The following CEP162 variants were observed in gnomAD, a reference collection of about 807,000 sequenced individuals.
The protein encoded by CEP162 is centrosomal protein of 162 kDa.
A neutral mutation model predicts 169.2 loss-of-function variants in CEP162; 141 were observed. The observed-to-expected ratio is 0.83, with a 90% CI of 0.73 to 0.96. The LOEUF is 0.96. Among genes scored for constraint, CEP162 ranks in the 40% least tolerant of loss-of-function variants. CEP162 has a pLI of 0.00. For synonymous variants in CEP162, 540 were observed against 526.4 expected (o/e 1.03, Z -0.35); for missense variants, 1,600 against 1,587.2 (o/e 1.01, Z -0.14).
chr6:84,203,923 G>C, intron 7 of CEP162, 58 bp downstream of exon 7: 1 of 982,636 alleles, frequency 1.0e-6, no homozygotes, highest in Non-Finnish European at 1.5e-6. Flanking sequence ...TATAGCAATA[G>C]GCAGCCAGGT....
intron 9 of CEP162, among the ~76,000 whole-genome samples, chr6:84,198,025 G>A (rs2099542884): frequency 6.6e-6 from 1 of 152,058 alleles, no homozygotes; most frequent in African/African-American, 2.4e-5. Context: ...GAAACCTTAA[G>A]TTTTATATTT....
At chr6:84,165,572 T>C (rs1349185826) in intron 18 of CEP162, among the ~76,000 whole-genome samples, 3 of 152,270 alleles carry the variant, frequency 2.0e-5, no homozygotes, top group African/African-American at 4.8e-5. Flanking sequence ...CTTCTCTTTA[T>C]TAGGCTGAAG....
intron 2 of CEP162, among the ~76,000 whole-genome samples, chr6:84,224,592 T>C (rs2099554980): frequency 6.6e-6 from 1 of 152,106 alleles, no homozygotes; most frequent in Admixed American, 6.5e-5. Context: ...TCCTAAAAAA[T>C]AAAGATATAT....
intron 3 of CEP162, 47 bp from the exon 4 acceptor site, chr6:84,215,969 G>C (rs1308441555): frequency 2.0e-6 from 3 of 1,472,336 alleles, no homozygotes; most frequent in East Asian, 2.5e-5. Flanking sequence ...TCAAAGAATT[G>C]TTTTGGCCAC....
intron 3 of CEP162, among the ~76,000 whole-genome samples, chr6:84,217,557 A>C (rs899297274): frequency 1.3e-5 from 2 of 152,190 alleles, no homozygotes; most frequent in African/African-American, 4.8e-5. Context: ...AGAGAAAGGT[A>C]GTCTAAGTTG....
chr6:84,197,562 C>T (rs1290928051), intron 9 of CEP162, among the ~76,000 whole-genome samples: 1 of 151,986 alleles, frequency 6.6e-6, no homozygotes, highest in East Asian at 1.9e-4. Flanking sequence ...CCTGTAATCC[C>T]AGCACTTTGG....
Position 84,152,915 on chromosome 6 carries a change from A to C in CEP162, c.3259T>G (p.Leu1087Val). 1 of 1,613,714 alleles carries C rather than the reference A, an allele frequency of 6.2e-7. No homozygotes were observed. Among genetic ancestry groups the C allele is most frequent in the Non-Finnish European group, 8.5e-7 (1 of 1,179,798 alleles). The change falls in exon 23 of 27, where the codon TTA (leucine) becomes GTA (valine). Residue 1087 changes from leucine (L) to valine (V), a missense_variant. Coordinates refer to ENST00000403245, the MANE Select transcript of CEP162 (RefSeq NM_014895.4). Reference sequence around the variant, plus strand: ...GCCAGTTCTTCATTGAGTCTTACTAATTTAGCTTTAGCATGAGCCTGTTCC... The same window carrying C: ...GCCAGTTCTTCATTGAGTCTTACTACTTTAGCTTTAGCATGAGCCTGTTCC... ...QVEQAHAKAKLVRLNEELAAK... is the reference protein window; with the variant it reads ...QVEQAHAKAKVVRLNEELAAK...
chr6:84,182,444 AAAC>A (rs1161346022), intron 13 of CEP162, among the ~76,000 whole-genome samples: 1 of 152,154 alleles, frequency 6.6e-6, no homozygotes. Context: ...CTAAAAAGGA[AAAC>A]AACAACATGG....
At chr6:84,139,892 A>T (rs2129192206) in intron 25 of CEP162, among the ~76,000 whole-genome samples, 1 of 129,862 alleles carries the variant, frequency 7.7e-6, no homozygotes, top group East Asian at 1.9e-4. Context: ...CAGAACACAG[A>T]CATAGGTCAT....
chr6:84,220,878 T>C (rs1588898177), intron 3 of CEP162, among the ~76,000 whole-genome samples, 179 bp downstream of exon 3: 1 of 152,278 alleles, frequency 6.6e-6, no homozygotes, highest in East Asian at 1.9e-4. Flanking sequence ...ACGCAGATTC[T>C]CAATTACATA....
At chr6:84,168,804 A>C (rs906642825) in intron 18 of CEP162, among the ~76,000 whole-genome samples, 2 of 152,234 alleles carry the variant, frequency 1.3e-5, no homozygotes, top group Non-Finnish European at 2.9e-5. Context: ...AACATAAAAA[A>C]GTTATGGAAC....
intron 11 of CEP162, among the ~76,000 whole-genome samples, chr6:84,188,333 C>A (rs1432929584): frequency 6.6e-6 from 1 of 152,076 alleles, no homozygotes; most frequent in East Asian, 1.9e-4. Context: ...TATTTCACAC[C>A]CAGGTAATAA....
intron 2 of CEP162, among the ~76,000 whole-genome samples, chr6:84,222,391 C>A (rs2099554049): frequency 6.6e-6 from 1 of 152,198 alleles, no homozygotes; most frequent in South Asian, 2.1e-4. Context: ...ATTTTAATAG[C>A]TTTGGCTTTT....
intron 3 of CEP162, among the ~76,000 whole-genome samples, chr6:84,220,695 A>G (rs62449316): frequency 1.3e-5 from 2 of 152,150 alleles, no homozygotes; most frequent in Non-Finnish European, 2.9e-5. Context: ...ACCAAGGTCT[A>G]TAGGTTTGTT....
chr6:84,137,751 T>C (rs1171698655), intron 25 of CEP162, among the ~76,000 whole-genome samples: 2 of 151,986 alleles, frequency 1.3e-5, no homozygotes, highest in African/African-American at 4.8e-5. Flanking sequence ...GAACAATAGA[T>C]TGAAAAATCT....
intron 25 of CEP162, among the ~76,000 whole-genome samples, chr6:84,134,070 C>A (rs1000200567): frequency 2.0e-5 from 3 of 152,204 alleles, no homozygotes; most frequent in Admixed American, 2.0e-4. Context: ...GAGGAGGAAT[C>A]TAGAGAGGCA....
At chr6:84,165,664 C>T (rs182829240) in intron 18 of CEP162, among the ~76,000 whole-genome samples, 63 of 152,204 alleles carry the variant, frequency 4.1e-4, no homozygotes, top group Admixed American at 1.8e-3. Flanking sequence ...GATAAATGTA[C>T]GCTAAACTGA....
At chr6:84,214,061 A>C (rs901709795) in intron 5 of CEP162, among the ~76,000 whole-genome samples, 21 of 152,230 alleles carry the variant, frequency 1.4e-4, no homozygotes, top group Middle Eastern at 3.4e-3. Flanking sequence ...GGTGGATCAC[A>C]AGGTCAGGAG....
rs544546597 is a variant in CEP162, at chr6:84,125,128, C to T, written c.4154G>A (p.Arg1385Gln). 32 of 1,613,434 alleles carry T rather than the reference C, an allele frequency of 2.0e-5. No individual in the cohort carries two copies. The highest frequency in any genetic ancestry group is 2.2e-5 in the Non-Finnish European group (26 of 1,179,636). ...AGCAACTGGCACAACCACTCCTTGC[C>T]GGTGCAGCTCTCGGAGAACATCTAA... The part of the protein sequence containing the change: ...SILDVLRELH[R>Q]QGVVVPVAFA... Residue 1385 changes from arginine (R) to glutamine (Q), a missense_variant, in exon 27 of 27, where the codon CGG becomes CAG. Coordinates refer to ENST00000403245, the MANE Select transcript of CEP162 (RefSeq NM_014895.4).
Sources: gnomAD v4.1 joint callset for allele counts (sites outside exome capture counted in the v4.1 genomes callset) on GRCh38, gnomAD v4.1.1 for gene constraint, MANE v1.5 for transcripts, NCBI Gene and HGNC (gene_info 2026-07-23, HGNC 2026-07-21) for gene names.